ENG: variants seen among roughly 807,000 people sequenced by gnomAD.
ENG encodes the protein endoglin.
ENG carries 17 observed loss-of-function variants against 71.0 expected under a neutral mutation model. The ratio of observed to expected loss-of-function variants is 0.24; its 90% CI spans 0.16 to 0.36. ENG has a LOEUF of 0.36. ENG is among the 10% of genes least tolerant of loss of function. The pLI is 1.00. For synonymous variants in ENG, 360 were observed against 366.9 expected, an observed-to-expected ratio of 0.98 and a Z score of 0.21; for missense variants, 749 against 868.3, an observed-to-expected ratio of 0.86 and a Z score of 1.73.
chr9:127,820,828 CAAAAAAAAA>C (rs1162043418), intron 8 of ENG, among the ~76,000 whole-genome samples: 1 of 142,288 alleles, frequency 7.0e-6, no homozygotes, highest in Non-Finnish European at 1.6e-5. Context: ...GACTCCGTCT[CAAAAAAAAA>C]AAATATATAT....
chr9:127,822,592 AT>A (rs1269033437), intron 8 of ENG: 1 of 152,270 alleles, frequency 6.6e-6, no homozygotes, highest in Non-Finnish European at 1.5e-5. Flanking sequence ...AGAGGAGTTA[AT>A]TATAGCATGT....
intron 1 of ENG, among the ~76,000 whole-genome samples, chr9:127,851,230 T>C (rs1363337340): frequency 6.6e-6 from 1 of 152,110 alleles, no homozygotes; most frequent in Non-Finnish European, 1.5e-5. Flanking sequence ...TCTTTTTTTT[T>C]CTTTTTTGAT....
chr9:127,848,193 G>A (rs963023689), intron 1 of ENG, among the ~76,000 whole-genome samples: 12 of 152,156 alleles, frequency 7.9e-5, no homozygotes, highest in Non-Finnish European at 4.4e-5. Flanking sequence ...CCCAGTCAGT[G>A]GGGATATGTG....
At chr9:127,850,559 GCT>G (rs1176182788) in intron 1 of ENG, among the ~76,000 whole-genome samples, 1 of 152,226 alleles carries the variant, frequency 6.6e-6, no homozygotes, top group Non-Finnish European at 1.5e-5. Flanking sequence ...CCTGCTCCAG[GCT>G]CTTTTTCCTC....
rs146725222 is a variant in ENG at position 127,836,002 on chromosome 9, C to T, written c.220-6175G>A. ...CTCAGGGGGGCTGGAAAGCTGGGTG[C>T]TCAGGTTCTCTGAGCTGCAGGGCCA... On this transcript the variant is annotated intron_variant, in intron 2 of 14. Coordinates refer to ENST00000373203, the MANE Select transcript of ENG (RefSeq NM_001114753.3). The surrounding 1 kb of genome is among the most constrained non-coding windows in gnomAD (Gnocchi z 4.0). Among the ~76,000 whole-genome samples the T allele has an allele frequency of 1.3e-5, 2 of 152,290 alleles. No individual in the cohort carries two copies. The highest frequency in any genetic ancestry group is 3.9e-4 in the East Asian group (2 of 5,180).
intron 3 of ENG, among the ~76,000 whole-genome samples, chr9:127,827,386 G>A (rs1375473150): frequency 6.6e-6 from 1 of 152,216 alleles, no homozygotes; most frequent in East Asian, 1.9e-4. Context: ...CTCCTGGTTG[G>A]ACAGGGATGG....
intron 10 of ENG, 50 bp from the exon 11 acceptor site, chr9:127,818,882 G>A (rs1830403284): frequency 1.3e-6 from 2 of 1,546,606 alleles, no homozygotes; most frequent in East Asian, 2.2e-5. Context: ...CGCCAGCCAG[G>A]AGGGCGAGGG....
In ENG at chr9:127,844,727, C is replaced by G. The variant is rs145335589; in HGVS notation, c.68-1482G>C. 6.7e-3 allele frequency among the ~76,000 whole-genome samples: 1,023 copies of G among 152,348 alleles called. 13 individuals are homozygous for G. Among genetic ancestry groups the G allele is most frequent in the African/African-American group, 0.021 (882 of 41,568 alleles). ...TACAGGCATGAGCCACCACACCCGG[C>G]TGATTTTCATTTGATGTATCTGGCA... On this transcript the variant is annotated intron_variant, in intron 1 of 14. Transcript: ENST00000373203.
chr9:127,819,585 TG>T (rs767267204), intron 10 of ENG, 36 bp downstream of exon 10: 31 of 1,611,946 alleles, frequency 1.9e-5, no homozygotes, highest in Non-Finnish European at 5.9e-6. Flanking sequence ...CAGCAGCCCC[TG>T]GGCCAGGTGG....
In ENG at chr9:127,846,796, G is replaced by T; in HGVS notation, c.68-3551C>A. On this transcript the variant is annotated intron_variant, in intron 1 of 14. Transcript: ENST00000373203. This position sits in a 1 kb window ranked among gnomAD's most constrained non-coding sequence, Gnocchi z 5.5. The stretch of plus-strand genomic sequence containing the variant: ...GAAACGCCAGGGCCTCCCGGGACTG[G>T]GTCAGAGGAGGAGCCGCTGGGGGCC... 1.1e-6 allele frequency: 1 copy of T among 889,920 alleles called. No individual in the cohort carries two copies. Among genetic ancestry groups the T allele is most frequent in the Non-Finnish European group, 1.3e-6 (1 of 742,830 alleles). 55.1% of individuals were successfully genotyped at this position (889,920 alleles called of 1,614,324 possible).
intron 1 of ENG, among the ~76,000 whole-genome samples, chr9:127,843,631 ATG>A (rs1274519140): frequency 2.0e-5 from 3 of 148,698 alleles, no homozygotes; most frequent in South Asian, 2.1e-4. Context: ...CCATGTATAT[ATG>A]TGTGTGTGTA....
intron 2 of ENG, among the ~76,000 whole-genome samples, chr9:127,831,637 G>A (rs1325323437): frequency 2.6e-5 from 4 of 151,134 alleles, no homozygotes; most frequent in African/African-American, 7.3e-5. Context: ...CACCTGCCTC[G>A]GCCTCCCAAA....
intron 8 of ENG, among the ~76,000 whole-genome samples, chr9:127,823,179 T>A (rs946444035): frequency 2.6e-5 from 4 of 151,718 alleles, no homozygotes; most frequent in African/African-American, 9.7e-5. Flanking sequence ...CGAGTCTTGC[T>A]CTGTTGCCCA....
Position 127,815,729 on chromosome 9 carries a change from T to G in ENG, c.1930A>C (p.Ile644Leu), listed in dbSNP as rs761224492. 4 of 1,558,946 alleles carry G rather than the reference T, an allele frequency of 2.6e-6. No homozygotes were observed. The highest frequency in any genetic ancestry group is 3.5e-6 in the Non-Finnish European group (4 of 1,157,120). The change falls in exon 15 of 15, where the codon ATC becomes CTC. Residue 644 changes from isoleucine (I) to leucine (L), a missense_variant. Coordinates refer to ENST00000373203, the MANE Select transcript of ENG (RefSeq NM_001114753.3). ...CAGGGGGTGCTCTGGGTGCTCCCGA[T>G]GCTGTGGTTGGTGCTGCTGCTCTCC... ...SSESSSTNHS[I>L]GSTQSTPCST...
intron 2 of ENG, among the ~76,000 whole-genome samples, chr9:127,839,581 G>A (rs1308171007): frequency 2.6e-5 from 4 of 152,024 alleles, no homozygotes; most frequent in African/African-American, 9.7e-5. Flanking sequence ...TTTGAGACAG[G>A]GTCTTGCTCT....
intron 6 of ENG, 67 bp from the exon 7 acceptor site, chr9:127,825,041 GGGTTATGCCAGGCCTC>G (rs773958257): frequency 1.0e-5 from 16 of 1,593,676 alleles, no homozygotes; most frequent in Non-Finnish European, 1.4e-5. Context: ...AGGCCAGCCA[GGGTTATGCCAGGCCTC>G]GGTCCTGCTG....
chr9:127,819,604 C>G lies in ENG; in HGVS notation c.1311+18G>C, dbSNP rs200912768. 1.9e-6 allele frequency: 3 copies of G among 1,612,772 alleles called. No individual in the cohort carries two copies. Among genetic ancestry groups the G allele is most frequent in the African/African-American group, 1.3e-5 (1 of 74,892 alleles). Reference sequence around the variant, plus strand: ...AGCCCCTGGGCCAGGTGGGTTAGCACGTGACTGTCCATCTCACCCGCTGTG... The same window carrying G: ...AGCCCCTGGGCCAGGTGGGTTAGCAGGTGACTGTCCATCTCACCCGCTGTG... On this transcript the variant is annotated intron_variant, in intron 10 of 14. Coordinates refer to ENST00000373203, the MANE Select transcript of ENG (RefSeq NM_001114753.3).
chr9:127,826,963 G>A (rs1187707184), intron 3 of ENG: 2 of 434,704 alleles, frequency 4.6e-6, no homozygotes, highest in Non-Finnish European at 8.6e-6. Context: ...CCACATCTAC[G>A]CCATCCTGCG....
In ENG at chr9:127,854,517, G is replaced by C; in HGVS notation, c.-162C>G. 1.4e-6 allele frequency: 1 copy of C among 705,846 alleles called. No homozygotes were observed. The highest frequency in any genetic ancestry group is 2.3e-6 in the Non-Finnish European group (1 of 434,488). The allele number at this position is 705,846 out of a possible 1,614,324, so 43.7% of individuals were successfully genotyped here. ...CAGCCTTCTGGGGTGGCGGCCGAGGGGTCAGGAGAAGTGGACACAGGGACG... is the reference window on the plus strand; with the variant it reads ...CAGCCTTCTGGGGTGGCGGCCGAGGCGTCAGGAGAAGTGGACACAGGGACG... On this transcript the variant is annotated 5_prime_UTR_variant, in exon 1 of 15. Transcript: ENST00000373203.
Sources: gnomAD v4.1 joint callset for allele counts (sites outside exome capture counted in the v4.1 genomes callset) on GRCh38, gnomAD v4.1.1 for gene constraint, Gnocchi (gnomAD v3.1) non-coding constraint, MANE v1.5 for transcripts, NCBI Gene and HGNC (gene_info 2026-07-23, HGNC 2026-07-21) for gene names.